ACVR2A: variants seen among roughly 807,000 people sequenced by gnomAD.
The protein encoded by ACVR2A is activin receptor type-2A.
Under a neutral mutation model 61.4 loss-of-function variants are expected in ACVR2A, and 7 were observed. The observed-to-expected ratio is 0.11, with a 90% CI of 0.06 to 0.21. The LOEUF is 0.21. ACVR2A is among the 10% of genes least tolerant of loss of function. ACVR2A has a pLI of 1.00. For missense variants in ACVR2A, 322 were observed against 621.7 expected (o/e 0.52, Z 5.13); for synonymous variants, 193 against 208.3 (o/e 0.93, Z 0.63).
intron 4 of ACVR2A, among the ~76,000 whole-genome samples, chr2:147,912,208 G>A (rs1573703492): frequency 6.6e-6 from 1 of 151,900 alleles, no homozygotes; most frequent in African/African-American, 2.4e-5. Context: ...TGGTTTGGGG[G>A]CAGGAGATTA....
rs1277693180 is a variant in ACVR2A at position 147,930,684 on chromosome 2, A to G, written c.*3410A>G. 6.6e-6 allele frequency: 1 copy of G among 152,292 alleles called. No individual in the cohort carries two copies. Among genetic ancestry groups the G allele is most frequent in the African/African-American group, 2.4e-5 (1 of 41,366 alleles). The allele number at this position is 152,292 out of a possible 1,614,324, so 9.4% of individuals were successfully genotyped here. A position where few individuals can be genotyped will look rare whatever the true frequency, so the allele number is the denominator to read the frequency against. Reference sequence around the variant, plus strand: ...GTACTACTGTCAAATCGTACTTGCTATTTTTTCTGCAAGTATTTAACAGAA... The same window carrying G: ...GTACTACTGTCAAATCGTACTTGCTGTTTTTTCTGCAAGTATTTAACAGAA... On this transcript the variant is annotated 3_prime_UTR_variant, in exon 11 of 11. Transcript: ENST00000241416.
At chr2:147,920,190 C>G (rs1382543700) in intron 7 of ACVR2A, 40 bp from the exon 8 acceptor site, 1 of 1,376,230 alleles carries the variant, frequency 7.3e-7, no homozygotes, top group Non-Finnish European at 1.0e-6. Context: ...AAAAAGGTAA[C>G]TAGTTTAAAC....
chr2:147,866,455 G>A (rs1308373721), intron 1 of ACVR2A, among the ~76,000 whole-genome samples: 1 of 152,184 alleles, frequency 6.6e-6, no homozygotes, highest in South Asian at 2.1e-4. Flanking sequence ...TTCAGGGACC[G>A]TACTTTCAGA....
At chr2:147,900,199 T>G (rs1464828026) in intron 4 of ACVR2A, among the ~76,000 whole-genome samples, 1 of 152,112 alleles carries the variant, frequency 6.6e-6, no homozygotes, top group Non-Finnish European at 1.5e-5. Context: ...AGAAGTCATT[T>G]ATGATGGAGA....
chr2:147,884,795 G>T (rs1248920982), intron 1 of ACVR2A, among the ~76,000 whole-genome samples: 1 of 152,058 alleles, frequency 6.6e-6, no homozygotes, highest in Non-Finnish European at 1.5e-5. Flanking sequence ...TGTTTTTATT[G>T]GGTAGTTAAT....
At position 147,926,254 on chromosome 2, in the gene ACVR2A, G is replaced by T. The variant is rs528312256; in HGVS notation, c.1347+93G>T. The stretch of plus-strand genomic sequence containing the variant: ...CTGCACATTTCTCTTTCTTCTGCAA[G>T]TATTTTCTGGAAGGTGATCTTCACA... On this transcript the variant is annotated intron_variant, in intron 10 of 10. Coordinates refer to ENST00000241416, the MANE Select transcript of ACVR2A (RefSeq NM_001616.5). 281 of 1,464,648 alleles carry T rather than the reference G, an allele frequency of 1.9e-4. 2 individuals carry two copies. In the South Asian group the frequency reaches 3.4e-3, roughly 18 times the overall value. 90.7% of individuals were successfully genotyped at this position (1,464,648 alleles called of 1,614,324 possible). A position where few individuals can be genotyped will look rare whatever the true frequency, so the allele number is the denominator to read the frequency against.
rs1573719155 is a variant in ACVR2A, at chr2:147,927,565, C to T, written c.*291C>T. ...TCTCCAAATCAAGGATCTTTTGGAC[C>T]TGGCTAATGGAGTGTTTGAAAACTG... On this transcript the variant is annotated 3_prime_UTR_variant, in exon 11 of 11. Coordinates refer to ENST00000241416, the MANE Select transcript of ACVR2A (RefSeq NM_001616.5). The T allele has an allele frequency of 8.4e-6, 2 of 236,786 alleles. No individual in the cohort carries two copies. The highest frequency in any genetic ancestry group is 1.6e-5 in the Non-Finnish European group (2 of 124,384). 14.7% of individuals were successfully genotyped at this position (236,786 alleles called of 1,614,324 possible). A position where few individuals can be genotyped will look rare whatever the true frequency, so the allele number is the denominator to read the frequency against.
intron 1 of ACVR2A, among the ~76,000 whole-genome samples, chr2:147,860,846 T>G (rs908973870): frequency 1.3e-5 from 2 of 152,232 alleles, no homozygotes; most frequent in African/African-American, 4.8e-5. Context: ...ATCTGAAGAC[T>G]TAGTATTTTT....
At chr2:147,876,194 C>T (rs1440786674) in intron 1 of ACVR2A, among the ~76,000 whole-genome samples, 1 of 152,008 alleles carries the variant, frequency 6.6e-6, no homozygotes, top group Non-Finnish European at 1.5e-5. Flanking sequence ...GTTTTTGGTC[C>T]TCTTTCCTCT....
chr2:147,903,220 C>T (rs1026841662), intron 4 of ACVR2A, among the ~76,000 whole-genome samples: 2 of 149,914 alleles, frequency 1.3e-5, no homozygotes, highest in Non-Finnish European at 3.0e-5. Context: ...TTAGCACAGT[C>T]GAAGGCATAG....
Position 147,899,587 on chromosome 2 carries a change from A to G in ACVR2A, c.373+20A>G, listed in dbSNP as rs1331894199. ...CACAGCGTAAGTTCACAGGGAAAAT[A>G]CGTAGGTTTGCTCAACTGTAGATTG... On this transcript the variant is annotated intron_variant, in intron 3 of 10. Coordinates refer to ENST00000241416, the MANE Select transcript of ACVR2A (RefSeq NM_001616.5). 1.9e-6 allele frequency: 3 copies of G among 1,605,924 alleles called. No homozygotes were observed. Among genetic ancestry groups the G allele is most frequent in the African/African-American group, 1.3e-5 (1 of 74,688 alleles).
At chr2:147,906,818 ATTTTTTTTTTTT>A (rs369876665) in intron 4 of ACVR2A, among the ~76,000 whole-genome samples, 12 of 123,420 alleles carry the variant, frequency 9.7e-5, no homozygotes, top group African/African-American at 3.6e-4. Context: ...TATCAAGTCC[ATTTTTTTTTTTT>A]TTTTTTTTTA....
chr2:147,892,172 A>G (rs561433979), intron 1 of ACVR2A, among the ~76,000 whole-genome samples: 20 of 151,992 alleles, frequency 1.3e-4, no homozygotes, highest in African/African-American at 4.1e-4. Flanking sequence ...GGGTTTCACC[A>G]TGTTGGCCAG....
chr2:147,857,048 A>G (rs1685596668), intron 1 of ACVR2A, among the ~76,000 whole-genome samples: 2 of 152,082 alleles, frequency 1.3e-5, no homozygotes, highest in Non-Finnish European at 2.9e-5. Flanking sequence ...GTCAGGTACT[A>G]TTTTCTCCAG....
intron 1 of ACVR2A, among the ~76,000 whole-genome samples, chr2:147,855,537 A>AACCTGTTGC (rs1685549376): frequency 1.3e-5 from 2 of 152,338 alleles, no homozygotes; most frequent in South Asian, 4.1e-4. Flanking sequence ...GACCATTAGG[A>AACCTGTTGC]ACCTGTTGCA....
chr2:147,915,375 A>C, intron 5 of ACVR2A, 41 bp downstream of exon 5: 1 of 1,606,750 alleles, frequency 6.2e-7, no homozygotes, highest in Non-Finnish European at 8.5e-7. Flanking sequence ...TACATGTTTT[A>C]TGGCTAGGTC....
chr2:147,927,608 GTC>G lies in ACVR2A; in HGVS notation c.*336_*337del, dbSNP rs1367147873. On this transcript the variant is annotated 3_prime_UTR_variant, in exon 11 of 11. Transcript: ENST00000241416. ...GAAAACTGACATCAGATTTCTTAAT[GTC>G]TGTCAGAAGACACTAATTCCTTAAA... 5.4e-6 allele frequency: 1 copy of G among 185,180 alleles called. No individual in the cohort carries two copies. Among genetic ancestry groups the G allele is most frequent in the African/African-American group, 2.3e-5 (1 of 42,830 alleles). The allele number at this position is 185,180 out of a possible 1,614,324, so 11.5% of individuals were successfully genotyped here.
At chr2:147,847,721 C>T (rs547840619) in intron 1 of ACVR2A, among the ~76,000 whole-genome samples, 2 of 152,202 alleles carry the variant, frequency 1.3e-5, no homozygotes, top group South Asian at 4.2e-4. Flanking sequence ...AAATTTTGCC[C>T]CTATCCTGGA....
At chr2:147,846,360 G>A (rs1685313582) in intron 1 of ACVR2A, among the ~76,000 whole-genome samples, 1 of 151,452 alleles carries the variant, frequency 6.6e-6, no homozygotes, top group Admixed American at 6.6e-5. Flanking sequence ...AAGGGTGGTA[G>A]TCTTCTTTGT....
Sources: allele counts gnomAD v4.1 joint callset (sites outside exome capture counted in the v4.1 genomes callset), GRCh38; gene constraint gnomAD v4.1.1; transcripts MANE v1.5; gene names NCBI Gene and HGNC (gene_info 2026-07-23, HGNC 2026-07-21).